Variants in SMTNL2 observed in about 807,000 individuals in gnomAD.
SMTNL2 encodes the protein smoothelin like 2.
Under a neutral mutation model 44.1 loss-of-function variants are expected in SMTNL2, and 43 were observed. That is an observed-to-expected ratio of 0.98 (90% confidence interval 0.76 to 1.26). SMTNL2 has a LOEUF of 1.26. SMTNL2 is among the 50% of genes most tolerant of loss of function. The pLI is 0.00. For missense variants in SMTNL2, 646 were observed against 670.2 expected (o/e 0.96, Z 0.40); for synonymous variants, 317 against 287.6 (o/e 1.10, Z -1.03).
chr17:4,589,487 G>A (rs981470753), intron 1 of SMTNL2, among the ~76,000 whole-genome samples: 12 of 152,142 alleles, frequency 7.9e-5, no homozygotes, highest in Non-Finnish European at 1.0e-4. Flanking sequence ...TCTGCTCTGC[G>A]TGCTGGGAGA....
At position 4,607,268 on chromosome 17, in the gene SMTNL2, C is replaced by T; in HGVS notation, c.1260-93C>T. 6.3e-7 allele frequency: 1 copy of T among 1,576,798 alleles called. No homozygotes were observed. The highest frequency in any genetic ancestry group is 8.6e-7 in the Non-Finnish European group (1 of 1,159,074). ...TGGGAACCTCTGGCTGCCGGCTGAG[C>T]TCTGTTCCCGGGACCGAGACACCGG... On this transcript the variant is annotated intron_variant, in intron 7 of 7. Coordinates refer to ENST00000389313, the MANE Select transcript of SMTNL2 (RefSeq NM_001114974.2). This position sits in a 1 kb window ranked among gnomAD's most constrained non-coding sequence, Gnocchi z 4.7.
chr17:4,588,134 G>A (rs956157629), intron 1 of SMTNL2, among the ~76,000 whole-genome samples: 4 of 152,208 alleles, frequency 2.6e-5, no homozygotes, highest in African/African-American at 4.8e-5. Context: ...CCTTTCAAAC[G>A]GTGTTGTGAG....
rs1484723527 is a variant in SMTNL2 at position 4,596,905 on chromosome 17, C to T, written c.1035C>T (p.Phe345=). ...CCAGGCTGAAGCGGTCGCAGAGCTT[C>T]GGCGTGGCCAGCGCCAGCAGCATCA... is the stretch of plus-strand genomic sequence containing the variant. ...ARARLKRSQS[F]GVASASSIKQ... Residue 345 remains phenylalanine, a synonymous_variant, in exon 6 of 8, where the codon TTC becomes TTT. Coordinates refer to ENST00000389313, the MANE Select transcript of SMTNL2 (RefSeq NM_001114974.2). The T allele has an allele frequency of 4.6e-6, 7 of 1,520,762 alleles. No individual in the cohort carries two copies. The highest frequency in any genetic ancestry group is 1.4e-5 in the African/African-American group (1 of 72,536). 94.2% of individuals were successfully genotyped at this position (1,520,762 alleles called of 1,614,324 possible).
At chr17:4,605,808 A>T (rs1450317484) in intron 7 of SMTNL2, among the ~76,000 whole-genome samples, 1 of 151,046 alleles carries the variant, frequency 6.6e-6, no homozygotes, top group Non-Finnish European at 1.5e-5. Context: ...GGCCGGCTCC[A>T]TCTGGTGCCC....
At chr17:4,591,633 A>G (rs758754548) in intron 1 of SMTNL2, among the ~76,000 whole-genome samples, 61 of 152,238 alleles carry the variant, frequency 4.0e-4, no homozygotes, top group Non-Finnish European at 6.9e-4. Flanking sequence ...GCCGAGTGGC[A>G]CTTGCCTAGC....
chr17:4,592,756 T>C lies in SMTNL2; in HGVS notation c.488-173T>C, dbSNP rs1909631938. ...GGAAGTTGGGAAAAATCAATTCTGG[T>C]TGGAGCAGTAAGATATCCCTGGTAG... On this transcript the variant is annotated intron_variant, in intron 2 of 7. Coordinates refer to ENST00000389313, the MANE Select transcript of SMTNL2 (RefSeq NM_001114974.2). The surrounding 1 kb of genome is among the most constrained non-coding windows in gnomAD (Gnocchi z 4.5). Among the ~76,000 whole-genome samples the C allele has an allele frequency of 6.6e-6, 1 of 152,008 alleles. No individual in the cohort carries two copies. Among genetic ancestry groups the C allele is most frequent in the South Asian group, 2.1e-4 (1 of 4,824 alleles).
chr17:4,597,865 G>A (rs1383915100), intron 7 of SMTNL2, among the ~76,000 whole-genome samples: 2 of 152,218 alleles, frequency 1.3e-5, no homozygotes, highest in East Asian at 3.8e-4. Flanking sequence ...AGATTTGGGG[G>A]TGGCTCTGGG....
intron 7 of SMTNL2, among the ~76,000 whole-genome samples, chr17:4,601,499 ACTTT>A (rs1159489257): frequency 6.6e-6 from 1 of 151,352 alleles, no homozygotes; most frequent in African/African-American, 2.4e-5. Context: ...TCTCCTTTGA[ACTTT>A]CTGTTTGAAT....
rs1027539830 is a variant in SMTNL2 at position 4,595,623 on chromosome 17, C to T, written c.989+296C>T. 5.3e-5 allele frequency among the ~76,000 whole-genome samples: 8 copies of T among 152,206 alleles called. No individual in the cohort carries two copies. The highest frequency in any genetic ancestry group is 2.1e-4 in the South Asian group (1 of 4,836). On this transcript the variant is annotated intron_variant, in intron 5 of 7. Transcript: ENST00000389313. The surrounding 1 kb of genome is among the most constrained non-coding windows in gnomAD (Gnocchi z 5.1). ...AGGCCCCCTGTCCTGTCTCTGGTGC[C>T]GCCAGGCTGCCCTCACACCCACATT...
At chr17:4,606,798 T>C (rs548861153) in intron 7 of SMTNL2, among the ~76,000 whole-genome samples, 1 of 152,050 alleles carries the variant, frequency 6.6e-6, no homozygotes, top group South Asian at 2.1e-4. Context: ...TAATCCCAGC[T>C]ACTCGGGAGG....
rs1233032116 is a variant in SMTNL2, at chr17:4,600,601, T to TC, written c.1259+3281dup. ...CCTGATAATTTATGGTCCCAGAGAT[T>TC]CCCGGTGGCCTAATCTGTGTGAATG... is the stretch of plus-strand genomic sequence containing the variant. On this transcript the variant is annotated intron_variant, in intron 7 of 7. Transcript: ENST00000389313. This position sits in a 1 kb window ranked among gnomAD's most constrained non-coding sequence, Gnocchi z 4.7. 6.6e-6 allele frequency among the ~76,000 whole-genome samples: 1 copy of TC among 152,106 alleles called. No individual in the cohort carries two copies. The highest frequency in any genetic ancestry group is 2.4e-5 in the African/African-American group (1 of 41,412).
In SMTNL2 at chr17:4,595,130, C is replaced by T. The variant is rs540928609; in HGVS notation, c.807-15C>T. ...CTGCTGGGCCCAGGTCCCAACTCGGCGATTCTTTCCTCAGCCCACCGCTGG... is the reference window on the plus strand; with the variant it reads ...CTGCTGGGCCCAGGTCCCAACTCGGTGATTCTTTCCTCAGCCCACCGCTGG... On this transcript the variant is annotated splice_polypyrimidine_tract_variant and intron_variant, in intron 4 of 7. Transcript: ENST00000389313. This position sits in a 1 kb window ranked among gnomAD's most constrained non-coding sequence, Gnocchi z 5.1. 3.7e-6 allele frequency: 6 copies of T among 1,613,010 alleles called. No individual in the cohort carries two copies. Among genetic ancestry groups the T allele is most frequent in the East Asian group, 2.2e-5 (1 of 44,864 alleles).
In SMTNL2 at chr17:4,597,198, C is replaced by T. The variant is rs916273443; in HGVS notation, c.1134C>T (p.Ser378=). The T allele has an allele frequency of 1.2e-5, 19 of 1,613,970 alleles. No homozygotes were observed. Among genetic ancestry groups the T allele is most frequent in the African/African-American group, 2.7e-5 (2 of 75,058 alleles). ...ACGTGGACCTGCAGAACTTCTCCTC[C>T]AGCTGGAGCGACGGCATGGCCTTCT... ...YQHVDLQNFS[S]SWSDGMAFCA... is the part of the protein sequence containing the mutation. Residue 378 remains serine (S), a synonymous_variant, in exon 7 of 8, where the codon TCC becomes TCT. Coordinates refer to ENST00000389313, the MANE Select transcript of SMTNL2 (RefSeq NM_001114974.2).
rs1909607976 is a variant in SMTNL2 at position 4,592,346 on chromosome 17, T to C, written c.400-15T>C. 6.2e-7 allele frequency: 1 copy of C among 1,612,198 alleles called. No individual in the cohort carries two copies. Among genetic ancestry groups the C allele is most frequent in the East Asian group, 2.2e-5 (1 of 44,850 alleles). The stretch of plus-strand genomic sequence containing the variant: ...CCTAGCTGATGGGGTCTCGGTGACA[T>C]TTGTGTCTCTGTAGAGTTTGGATCA... On this transcript the variant is annotated splice_polypyrimidine_tract_variant and intron_variant, in intron 1 of 7. Transcript: ENST00000389313. This position sits in a 1 kb window ranked among gnomAD's most constrained non-coding sequence, Gnocchi z 4.5.
intron 3 of SMTNL2, 51 bp from the exon 4 acceptor site, chr17:4,593,771 G>A: frequency 6.4e-7 from 1 of 1,568,844 alleles, no homozygotes; most frequent in Non-Finnish European, 8.7e-7. Context: ...GGCTATGGCG[G>A]GCCCTCCCTG....
At chr17:4,590,358 TCTC>T (rs917544313) in intron 1 of SMTNL2, among the ~76,000 whole-genome samples, 2 of 152,050 alleles carry the variant, frequency 1.3e-5, no homozygotes, top group African/African-American at 4.8e-5. Context: ...TGCTCCTCAT[TCTC>T]CGCAGACTGC....
chr17:4,586,015 G>A (rs1047287403), intron 1 of SMTNL2, among the ~76,000 whole-genome samples: 3 of 152,172 alleles, frequency 2.0e-5, no homozygotes, highest in African/African-American at 7.2e-5. Context: ...TTCTCAGTGG[G>A]TATCTCAGCA....
intron 4 of SMTNL2, among the ~76,000 whole-genome samples, chr17:4,594,451 A>AT (rs1909716028): frequency 7.3e-6 from 1 of 136,842 alleles, no homozygotes; most frequent in Non-Finnish European, 1.6e-5. Context: ...TCTATCTACA[A>AT]AAAATAAATA....
At chr17:4,590,460 C>T (rs1909526619) in intron 1 of SMTNL2, among the ~76,000 whole-genome samples, 2 of 152,104 alleles carry the variant, frequency 1.3e-5, no homozygotes, top group African/African-American at 4.8e-5. Context: ...AGTGCATGCC[C>T]CTGACTCCTG....
Sources: allele counts gnomAD v4.1 joint callset (sites outside exome capture counted in the v4.1 genomes callset), GRCh38; gene constraint gnomAD v4.1.1; non-coding constraint Gnocchi (gnomAD v3.1); transcripts MANE v1.5; gene names NCBI Gene and HGNC (gene_info 2026-07-23, HGNC 2026-07-21).